BRCA2: variants seen among roughly 807,000 people sequenced by gnomAD.
BRCA2 encodes the protein breast cancer type 2 susceptibility protein.
In BRCA2, 203 loss-of-function variants were observed where a neutral mutation model predicts 276.7. That is an observed-to-expected ratio of 0.73 (90% CI 0.65 to 0.82). The LOEUF (loss-of-function observed/expected upper bound fraction) is 0.82, where lower values mean the gene tolerates loss of function less well. Ranked by LOEUF, BRCA2 falls within the 40% of genes least tolerant of loss-of-function variation. The pLI is 0.00. For missense variants in BRCA2, 3,920 were observed against 3,915.0 expected, an observed-to-expected ratio of 1.00 and a Z score of -0.03; for synonymous variants, 1,289 against 1,338.4, an observed-to-expected ratio of 0.96 and a Z score of 0.81.
intron 7 of BRCA2, among the ~76,000 whole-genome samples, chr13:32,328,141 A>AT (rs1169948424): frequency 2.0e-5 from 3 of 152,346 alleles, no homozygotes; most frequent in Admixed American, 2.0e-4. Context: ...TTGGAAGTTC[A>AT]TCTAAACAAA....
intron 9 of BRCA2, among the ~76,000 whole-genome samples, chr13:32,331,408 G>A (rs767269320): frequency 2.0e-5 from 3 of 152,022 alleles, no homozygotes; most frequent in African/African-American, 4.8e-5. Flanking sequence ...TTATCTCAAA[G>A]TATTGAGAGT....
chr13:32,322,302 G>A (rs2072311074), intron 3 of BRCA2, among the ~76,000 whole-genome samples: 1 of 152,198 alleles, frequency 6.6e-6, no homozygotes, highest in Admixed American at 6.5e-5. Context: ...CAGCTCGATT[G>A]TAGAGACCCT....
At position 32,336,908 on chromosome 13, in the gene BRCA2, C is replaced by A. The variant is rs2072460002; in HGVS notation, c.2553C>A (p.Phe851Leu). The change falls in exon 11 of 27, where the codon TTC becomes TTA. Residue 851 changes from phenylalanine (F) to leucine (L), a missense_variant. Physicochemically the swap from Phe to Leu is conservative, Grantham distance 22 (BLOSUM62 0). This residue lies in a region of BRCA2 where 3,263 missense variants were observed against 3,156.9 expected (regional missense o/e 1.03). Transcript: ENST00000380152. ...CATCACCTTCAAGAAAGGTACAATT[C>A]AACCAAAACACAAATCTAAGAGTAA... ...RVASPSRKVQ[F>L]NQNTNLRVIQ... 1 of 1,607,778 alleles carries A rather than the reference C, an allele frequency of 6.2e-7. No homozygotes were observed. The highest frequency in any genetic ancestry group is 1.1e-5 in the South Asian group (1 of 88,894).
At chr13:32,327,710 AATC>A (rs1476599264) in intron 7 of BRCA2, among the ~76,000 whole-genome samples, 8 of 152,008 alleles carry the variant, frequency 5.3e-5, no homozygotes, top group African/African-American at 1.9e-4. Context: ...ACTACTTAAA[AATC>A]TCTGAGTAGC....
In BRCA2 at chr13:32,340,178, A is replaced by G. The variant is rs2137521368; in HGVS notation, c.5823A>G (p.Lys1941=). 2 of 1,613,320 alleles carry G rather than the reference A, an allele frequency of 1.2e-6. No individual in the cohort carries two copies. The highest frequency in any genetic ancestry group is 1.7e-6 in the Non-Finnish European group (2 of 1,179,452). The stretch of plus-strand genomic sequence containing the variant: ...ACCAAAATATGTCTGGATTGGAGAA[A>G]GTTTCTAAAATATCACCTTGTGATG... The part of the protein sequence containing the change: ...QHNQNMSGLE[K]VSKISPCDVS... Residue 1941 remains lysine (K), a synonymous_variant, in exon 11 of 27, where the codon AAA becomes AAG. Transcript: ENST00000380152.
rs80359051 is a variant in BRCA2, at chr13:32,363,292, G to A, written c.8090G>A (p.Ser2697Asn). 30 of 1,614,034 alleles carry A rather than the reference G, an allele frequency of 1.9e-5. No homozygotes were observed. Among genetic ancestry groups the A allele is most frequent in the East Asian group, 1.6e-4 (7 of 44,882 alleles). The change falls in exon 18 of 27, where the codon AGC becomes AAC. Residue 2697 changes from serine to asparagine, a missense_variant. Transcript: ENST00000380152. ...VLCVSDIISL[S>N]ANISETSSNK... Reference sequence around the variant, plus strand: ...TGTGTTTCTGACATAATTTCATTGAGCGCAAATATATCTGAAACTTCTAGC... The same window carrying A: ...TGTGTTTCTGACATAATTTCATTGAACGCAAATATATCTGAAACTTCTAGC...
intron 24 of BRCA2, among the ~76,000 whole-genome samples, chr13:32,380,819 C>G (rs528197756): frequency 6.6e-6 from 1 of 151,396 alleles, no homozygotes; most frequent in African/African-American, 2.4e-5. Context: ...GGATTACAGG[C>G]GTGAGCCACC....
intron 18 of BRCA2, 150 bp from the exon 19 acceptor site, chr13:32,370,252 T>A (rs1474021436): frequency 1.4e-6 from 1 of 699,100 alleles, no homozygotes; most frequent in Non-Finnish European, 2.4e-6. Flanking sequence ...TACAGTTTTT[T>A]ACTTATTTAC....
Position 32,399,393 on chromosome 13 carries a change from C to T in BRCA2, c.*623C>T, listed in dbSNP as rs145550800. On this transcript the variant is annotated 3_prime_UTR_variant, in exon 27 of 27. Transcript: ENST00000380152. Reference sequence around the variant, plus strand: ...CAAATATGTTGGTTCTGCTATAGTTCCATCCTGTTCAAAAGTCAGGATGAA... The same window carrying T: ...CAAATATGTTGGTTCTGCTATAGTTTCATCCTGTTCAAAAGTCAGGATGAA... The T allele has an allele frequency of 5.4e-4, 102 of 188,754 alleles. 1 individual carries two copies. In the East Asian group the frequency reaches 8.7e-3, roughly 16 times the overall value. 11.7% of individuals were successfully genotyped at this position (188,754 alleles called of 1,614,324 possible).
In BRCA2 at chr13:32,366,751, C is replaced by T. The variant is rs11571734; in HGVS notation, c.8331+3218C>T. On this transcript the variant is annotated intron_variant, in intron 18 of 26. Transcript: ENST00000380152. ...GTGGGAGAATCACTTGAACCTGGGA[C>T]GTAGAGGTTGCAGTGAGCCAAGGTC... 0.26 allele frequency among the ~76,000 whole-genome samples: 38,933 copies of T among 150,220 alleles called. 5,238 individuals are homozygous for T. Among genetic ancestry groups the T allele is most frequent in the African/African-American group, 0.27 (10,971 of 40,542 alleles).
intron 2 of BRCA2, 61 bp downstream of exon 2, chr13:32,316,588 C>CTT: frequency 6.8e-7 from 1 of 1,476,786 alleles, no homozygotes; most frequent in Non-Finnish European, 9.4e-7. Context: ...CTAAAAAATG[C>CTT]TTGCTAAAAA....
At chr13:32,395,549 A>G (rs2073030095) in intron 25 of BRCA2, among the ~76,000 whole-genome samples, 1 of 152,212 alleles carries the variant, frequency 6.6e-6, no homozygotes, top group South Asian at 2.1e-4. Context: ...GAAACAGGTT[A>G]AATGGCTTGC....
chr13:32,364,563 A>G (rs2072768236), intron 18 of BRCA2, among the ~76,000 whole-genome samples: 3 of 151,748 alleles, frequency 2.0e-5, no homozygotes. Flanking sequence ...ATCTGTATTC[A>G]GTGTATACAT....
At chr13:32,341,233 C>CT (rs1566235531) in intron 11 of BRCA2, 37 bp downstream of exon 11, 1 of 1,612,984 alleles carries the variant, frequency 6.2e-7, no homozygotes, top group Admixed American at 1.7e-5. Flanking sequence ...TTGCCAATCA[C>CT]TATTTTTAAA....
At position 32,337,532 on chromosome 13, in the gene BRCA2, G is replaced by A. The variant is rs2137494002; in HGVS notation, c.3177G>A (p.Leu1059=). ...TGGCATTAGATAATCAAAAGAAACT[G>A]AGCAAGCCTCAGTCAATTAATACTG... is the stretch of plus-strand genomic sequence containing the variant. The part of the protein sequence containing the change: ...NTLALDNQKK[L]SKPQSINTVS... The change falls in exon 11 of 27, where the codon CTG becomes CTA. Residue 1059 remains leucine, a synonymous_variant. Transcript: ENST00000380152. 1 of 1,607,934 alleles carries A rather than the reference G, an allele frequency of 6.2e-7. No individual in the cohort carries two copies. The highest frequency in any genetic ancestry group is 2.2e-5 in the East Asian group (1 of 44,776).
intron 10 of BRCA2, 89 bp downstream of exon 10, chr13:32,333,476 T>C: frequency 7.3e-7 from 1 of 1,367,376 alleles, no homozygotes; most frequent in Non-Finnish European, 1.0e-6. Flanking sequence ...TTTAAAATCT[T>C]CATATCTTAT....
intron 11 of BRCA2, among the ~76,000 whole-genome samples, chr13:32,343,242 G>A (rs565997668): frequency 3.1e-4 from 47 of 151,980 alleles, no homozygotes; most frequent in African/African-American, 1.0e-3. Flanking sequence ...TATCTGACTG[G>A]TAATAATCTT....
intron 12 of BRCA2, among the ~76,000 whole-genome samples, chr13:32,346,193 TC>T (rs2072609613): frequency 2.0e-5 from 3 of 152,024 alleles, no homozygotes; most frequent in Admixed American, 1.3e-4. Context: ...TGTTTTTTTT[TC>T]AGGATTCTGT....
Position 32,349,487 on chromosome 13 carries a change from A to C in BRCA2, c.7007+2591A>C, listed in dbSNP as rs1231637701. 3.9e-5 allele frequency among the ~76,000 whole-genome samples: 6 copies of C among 152,058 alleles called. No homozygotes were observed. In the East Asian group the frequency reaches 1.2e-3, roughly 29 times the overall value. On this transcript the variant is annotated intron_variant, in intron 13 of 26. Transcript: ENST00000380152. ...GGTGGCTTCATTTCTTATCTTTAGA[A>C]TTGGGTGGTGCAGAAGGAGGGAGCC...
Sources: allele counts gnomAD v4.1 joint callset (sites outside exome capture counted in the v4.1 genomes callset), GRCh38; gene constraint gnomAD v4.1.1; regional missense constraint gnomAD v4.1.1; transcripts MANE v1.5; gene names NCBI Gene and HGNC (gene_info 2026-07-23, HGNC 2026-07-21).